Variants in TAFA5 observed in about 807,000 individuals in gnomAD.
TAFA5 encodes TAFA chemokine like family member 5, also known as chemokine-like protein TAFA-5.
TAFA5 carries 6 observed loss-of-function variants against 15.3 expected under a neutral mutation model. That is an observed-to-expected ratio of 0.39 (90% CI 0.21 to 0.77). The LOEUF (loss-of-function observed/expected upper bound fraction) is 0.77. Among genes scored for constraint, TAFA5 ranks in the 30% least tolerant of loss-of-function variants. TAFA5 has a pLI of 0.41. For missense variants in TAFA5, 161 were observed against 193.1 expected (o/e 0.83, Z 0.98); for synonymous variants, 103 against 80.7 (o/e 1.28, Z -1.48).
chr22:48,740,292 C>T (rs981107003), intron 3 of TAFA5, among the ~76,000 whole-genome samples: 2 of 151,994 alleles, frequency 1.3e-5, no homozygotes, highest in Non-Finnish European at 2.9e-5. Flanking sequence ...GCTGCAGGAG[C>T]GGGGGCCCTG....
intron 3 of TAFA5, among the ~76,000 whole-genome samples, chr22:48,745,515 A>G (rs974671409): frequency 4.0e-5 from 6 of 150,632 alleles, no homozygotes; most frequent in Admixed American, 4.0e-4. Context: ...GAGCATGGGC[A>G]CACACGGCTT....
intron 2 of TAFA5, among the ~76,000 whole-genome samples, chr22:48,668,575 G>A (rs111814006): frequency 8.9e-5 from 3 of 33,806 alleles, no homozygotes; most frequent in African/African-American, 2.3e-4. Flanking sequence ...AGCACTCAGG[G>A]CCGCGTCTTC....
intron 1 of TAFA5, among the ~76,000 whole-genome samples, chr22:48,636,432 C>A (rs967578313): frequency 2.6e-5 from 4 of 152,216 alleles, no homozygotes; most frequent in African/African-American, 9.7e-5. Flanking sequence ...TCCATCAGAT[C>A]TTAAAGAATG....
At chr22:48,596,645 T>C (rs1486974402) in intron 1 of TAFA5, among the ~76,000 whole-genome samples, 5 of 152,028 alleles carry the variant, frequency 3.3e-5, no homozygotes, top group Admixed American at 2.0e-4. Context: ...ATTGACACGC[T>C]GTTATTAACC....
intron 2 of TAFA5, among the ~76,000 whole-genome samples, chr22:48,653,989 C>G (rs1231218591): frequency 6.6e-6 from 1 of 152,114 alleles, no homozygotes; most frequent in Non-Finnish European, 1.5e-5. Context: ...CTCTCCGTGT[C>G]CCGTCACGTA....
intron 2 of TAFA5, among the ~76,000 whole-genome samples, chr22:48,678,676 C>A (rs1928055545): frequency 6.6e-6 from 1 of 151,676 alleles, no homozygotes; most frequent in Non-Finnish European, 1.5e-5. Context: ...GACGGAAGCC[C>A]TGCGCTCAAG....
chr22:48,598,515 C>T lies in TAFA5; in HGVS notation c.113-48082C>T, dbSNP rs367808398. On this transcript the variant is annotated intron_variant, in intron 1 of 3. Transcript: ENST00000402357. The surrounding 1 kb of genome is among the most constrained non-coding windows in gnomAD (Gnocchi z 4.0). ...CCACCTCCTGGGAGAGTGGCCATTTCGTGGGCCCAGCAGTGGCTGCATCTT... is the reference window on the plus strand; with the variant it reads ...CCACCTCCTGGGAGAGTGGCCATTTTGTGGGCCCAGCAGTGGCTGCATCTT... Among the ~76,000 whole-genome samples the T allele has an allele frequency of 2.4e-4, 37 of 152,178 alleles. No individual in the cohort carries two copies. The highest frequency in any genetic ancestry group is 7.2e-4 in the African/African-American group (30 of 41,526).
intron 1 of TAFA5, among the ~76,000 whole-genome samples, chr22:48,529,376 A>ATGTCAGGCAGGAGATGAGGG (rs1569168890): frequency 3.5e-5 from 2 of 56,956 alleles, no homozygotes; most frequent in Non-Finnish European, 6.5e-5. Flanking sequence ...GGAGATGGGG[A>ATGTCAGGCAGGAGATGAGGG]TGTCAGGCAG....
chr22:48,616,352 C>T (rs1169923273), intron 1 of TAFA5, among the ~76,000 whole-genome samples: 1 of 152,204 alleles, frequency 6.6e-6, no homozygotes, highest in Non-Finnish European at 1.5e-5. Flanking sequence ...CCTGAAGGCC[C>T]AAGTGATCGT....
chr22:48,680,492 G>GGGT lies in TAFA5; in HGVS notation c.263-27225_263-27224insGGT, dbSNP rs397837502. Among the ~76,000 whole-genome samples, 891 of 152,062 alleles carry GGGT rather than the reference G, an allele frequency of 5.9e-3. 9 individuals carry two copies. Among genetic ancestry groups the GGGT allele is most frequent in the African/African-American group, 0.02 (844 of 41,466 alleles). On this transcript the variant is annotated intron_variant, in intron 2 of 3. Coordinates refer to ENST00000402357, the MANE Select transcript of TAFA5 (RefSeq NM_001082967.3). ...AGGGCGAGGGGGCTAAGAGGTGACG[G>GGGT]CAGCACACTGAGAGGGGCCACCAAG...
chr22:48,544,182 T>A (rs1307024597), intron 1 of TAFA5: 1 of 168,136 alleles, frequency 5.9e-6, no homozygotes, highest in East Asian at 1.5e-4. Context: ...TCCCTTCAGG[T>A]CCCATGGTTT....
intron 1 of TAFA5, among the ~76,000 whole-genome samples, chr22:48,542,162 G>A (rs112127869): frequency 0.027 from 3,909 of 147,156 alleles, 73 homozygotes; most frequent in Non-Finnish European, 0.039. Context: ...TGTGGGGGGT[G>A]TGTGTGCATG....
chr22:48,681,848 A>C (rs1356583166), intron 2 of TAFA5, among the ~76,000 whole-genome samples: 2 of 56,058 alleles, frequency 3.6e-5, no homozygotes, highest in Admixed American at 1.6e-4. Context: ...TGCTTGATCA[A>C]ACACCAGCAC....
intron 1 of TAFA5, among the ~76,000 whole-genome samples, chr22:48,636,899 C>A (rs1926469725): frequency 6.6e-6 from 1 of 152,206 alleles, no homozygotes; most frequent in Non-Finnish European, 1.5e-5. Flanking sequence ...TGTAGTCCAG[C>A]TGGACGGGAC....
rs5771949 is a variant in TAFA5 at position 48,683,813 on chromosome 22, T to A, written c.263-23904T>A. ...AGGTGATTGGATCATGGGCGCGGTTTTCCCCATGCTGTTCTCATGACAGTG... is the reference window on the plus strand; with the variant it reads ...AGGTGATTGGATCATGGGCGCGGTTATCCCCATGCTGTTCTCATGACAGTG... On this transcript the variant is annotated intron_variant, in intron 2 of 3. Coordinates refer to ENST00000402357, the MANE Select transcript of TAFA5 (RefSeq NM_001082967.3). Among the ~76,000 whole-genome samples, 36 of 152,312 alleles carry A rather than the reference T, an allele frequency of 2.4e-4. No homozygotes were observed. The East Asian group carries it at 5.6e-3, about 24-fold the overall frequency.
intron 1 of TAFA5, among the ~76,000 whole-genome samples, chr22:48,592,212 GCCT>G (rs1924595103): frequency 6.6e-6 from 1 of 152,176 alleles, no homozygotes; most frequent in Non-Finnish European, 1.5e-5. Context: ...CACTGTGCCA[GCCT>G]CCTTTCTTTC....
intron 1 of TAFA5, among the ~76,000 whole-genome samples, chr22:48,643,452 G>A (rs1926754409): frequency 6.6e-6 from 1 of 152,136 alleles, no homozygotes; most frequent in African/African-American, 2.4e-5. Flanking sequence ...CCGCCTGGGT[G>A]AGGGTGACCT....
intron 1 of TAFA5, among the ~76,000 whole-genome samples, chr22:48,525,424 AT>A (rs1012611364): frequency 5.7e-4 from 87 of 152,168 alleles, no homozygotes; most frequent in African/African-American, 2.0e-3. Flanking sequence ...CTGGACTCCG[AT>A]TCCAGTGCTC....
At chr22:48,558,971 C>A (rs1923134111) in intron 1 of TAFA5, among the ~76,000 whole-genome samples, 1 of 152,238 alleles carries the variant, frequency 6.6e-6, no homozygotes, top group Non-Finnish European at 1.5e-5. Flanking sequence ...TTCAAATGGC[C>A]TAGGCCCAGG....
Sources: gnomAD v4.1 joint callset for allele counts (sites outside exome capture counted in the v4.1 genomes callset) on GRCh38, gnomAD v4.1.1 for gene constraint, Gnocchi (gnomAD v3.1) non-coding constraint, MANE v1.5 for transcripts, NCBI Gene and HGNC (gene_info 2026-07-23, HGNC 2026-07-21) for gene names.